Variants in KIRREL3 observed in about 807,000 individuals in gnomAD.
KIRREL3 encodes kin of IRRE-like protein 3.
KIRREL3 carries 36 observed loss-of-function variants against 89.7 expected under a neutral mutation model. That is an observed-to-expected ratio of 0.40 (90% CI 0.31 to 0.53). The LOEUF is 0.53. Among genes scored for constraint, KIRREL3 ranks in the 20% least tolerant of loss-of-function variants. The probability of loss-of-function intolerance (pLI) is 0.49; values close to 1 mark genes in which losing one functional copy is unlikely to be tolerated. For missense variants in KIRREL3, 864 were observed against 1,056.6 expected, an observed-to-expected ratio of 0.82 and a Z score of 2.53; for synonymous variants, 445 against 441.4, an observed-to-expected ratio of 1.01 and a Z score of -0.10.
At position 126,578,471 on chromosome 11, in the gene KIRREL3, A is replaced by G. The variant is rs1941373349; in HGVS notation, c.56-15559T>C. On this transcript the variant is annotated intron_variant, in intron 1 of 16. Coordinates refer to ENST00000525144, the MANE Select transcript of KIRREL3 (RefSeq NM_032531.4). This position sits in a 1 kb window ranked among gnomAD's most constrained non-coding sequence, Gnocchi z 4.9. Reference sequence around the variant, plus strand: ...GACTCCGTGCCTACCTGCTAATAAGAGCGGGAGTGTGGATTGTGCACATAG... The same window carrying G: ...GACTCCGTGCCTACCTGCTAATAAGGGCGGGAGTGTGGATTGTGCACATAG... Among the ~76,000 whole-genome samples, 1 of 152,168 alleles carries G rather than the reference A, an allele frequency of 6.6e-6. No individual in the cohort carries two copies. Among genetic ancestry groups the G allele is most frequent in the African/African-American group, 2.4e-5 (1 of 41,438 alleles).
At chr11:126,478,153 C>T (rs1410393544) in intron 4 of KIRREL3, among the ~76,000 whole-genome samples, 2 of 152,182 alleles carry the variant, frequency 1.3e-5, no homozygotes, top group Non-Finnish European at 2.9e-5. Flanking sequence ...CTTCCGGGGC[C>T]GGGCTTGCCC....
chr11:126,982,612 G>A (rs560688613), intron 1 of KIRREL3, among the ~76,000 whole-genome samples: 77 of 152,190 alleles, frequency 5.1e-4, no homozygotes, highest in African/African-American at 1.7e-3. Flanking sequence ...TTACTTCCAC[G>A]TACTGTTTCT....
Position 126,432,585 on chromosome 11 carries a change from C to T in KIRREL3, c.1589-1059G>A, listed in dbSNP as rs915459368. ...ACTGCTCCCACCCCTCCACTCACCCCACTCCCACCCCGTCCAGCTCCACCC... is the reference window on the plus strand; with the variant it reads ...ACTGCTCCCACCCCTCCACTCACCCTACTCCCACCCCGTCCAGCTCCACCC... On this transcript the variant is annotated intron_variant, in intron 13 of 16. Transcript: ENST00000525144. This position sits in a 1 kb window ranked among gnomAD's most constrained non-coding sequence, Gnocchi z 6.2. Among the ~76,000 whole-genome samples the T allele has an allele frequency of 1.3e-5, 2 of 152,080 alleles. No individual in the cohort carries two copies. Among genetic ancestry groups the T allele is most frequent in the African/African-American group, 4.8e-5 (2 of 41,406 alleles).
intron 1 of KIRREL3, among the ~76,000 whole-genome samples, chr11:126,911,587 G>A (rs1444055440): frequency 6.6e-6 from 1 of 152,168 alleles, no homozygotes; most frequent in African/African-American, 2.4e-5. Flanking sequence ...CTGACCTGTG[G>A]ACCACCCCTC....
At chr11:126,529,558 G>A (rs1223898847) in intron 2 of KIRREL3, among the ~76,000 whole-genome samples, 2 of 148,264 alleles carry the variant, frequency 1.3e-5, no homozygotes, top group East Asian at 4.0e-4. Context: ...AGCCAAGATC[G>A]CCCCACTGCA....
chr11:126,805,132 G>A lies in KIRREL3; in HGVS notation c.55+195323C>T, dbSNP rs1456427728. Among the ~76,000 whole-genome samples, 1 of 152,182 alleles carries A rather than the reference G, an allele frequency of 6.6e-6. No homozygotes were observed. The highest frequency in any genetic ancestry group is 1.5e-5 in the Non-Finnish European group (1 of 68,036). On this transcript the variant is annotated intron_variant, in intron 1 of 16. Transcript: ENST00000525144. The surrounding 1 kb of genome is among the most constrained non-coding windows in gnomAD (Gnocchi z 4.3). ...AACCTGCAATGAAGGAGTTATATGT[G>A]TGTGCATGTATGTATTCATACATTA...
chr11:126,643,965 G>C lies in KIRREL3; in HGVS notation c.56-81053C>G, dbSNP rs1431365321. Among the ~76,000 whole-genome samples, 1 of 152,202 alleles carries C rather than the reference G, an allele frequency of 6.6e-6. No homozygotes were observed. The highest frequency in any genetic ancestry group is 2.4e-5 in the African/African-American group (1 of 41,450). On this transcript the variant is annotated intron_variant, in intron 1 of 16. Transcript: ENST00000525144. The surrounding 1 kb of genome is among the most constrained non-coding windows in gnomAD (Gnocchi z 4.5). ...TTGCAGGAAGGTAAGCTATGTGCTAGATGGAGAGTTAGGGACCTTGTAGGA... is the reference window on the plus strand; with the variant it reads ...TTGCAGGAAGGTAAGCTATGTGCTACATGGAGAGTTAGGGACCTTGTAGGA...
intron 4 of KIRREL3, among the ~76,000 whole-genome samples, chr11:126,483,498 A>T (rs1011758048): frequency 1.3e-5 from 2 of 152,158 alleles, no homozygotes. Context: ...CTGCTGTTTG[A>T]TTCAGAACTG....
rs559555135 is a variant in KIRREL3 at position 126,856,895 on chromosome 11, T to C, written c.55+143560A>G. ...GGAGTGAGCCACTGCGCTGGGCCCATATTTTGTATTTTTATGAAATGGTGA... is the reference window on the plus strand; with the variant it reads ...GGAGTGAGCCACTGCGCTGGGCCCACATTTTGTATTTTTATGAAATGGTGA... On this transcript the variant is annotated intron_variant, in intron 1 of 16. Coordinates refer to ENST00000525144, the MANE Select transcript of KIRREL3 (RefSeq NM_032531.4). 5.9e-5 allele frequency among the ~76,000 whole-genome samples: 9 copies of C among 152,158 alleles called. No individual in the cohort carries two copies. The South Asian group carries it at 1.9e-3, about 32-fold the overall frequency.
intron 1 of KIRREL3, among the ~76,000 whole-genome samples, chr11:126,573,374 G>A (rs1279616197): frequency 6.6e-6 from 1 of 152,168 alleles, no homozygotes; most frequent in Non-Finnish European, 1.5e-5. Flanking sequence ...GGGCCACCTT[G>A]GGAGCTGAGG....
intron 1 of KIRREL3, among the ~76,000 whole-genome samples, chr11:126,952,202 A>C (rs1172823452): frequency 3.9e-5 from 6 of 152,186 alleles, no homozygotes; most frequent in Non-Finnish European, 5.9e-5. Context: ...CCTGGCCTAC[A>C]CAGTGAGACC....
At chr11:126,695,107 A>G (rs1354640193) in intron 1 of KIRREL3, among the ~76,000 whole-genome samples, 2 of 152,208 alleles carry the variant, frequency 1.3e-5, no homozygotes, top group African/African-American at 4.8e-5. Context: ...ACAGCGGCAG[A>G]GCAGGATAGC....
Position 126,431,605 on chromosome 11 carries a change from C to T in KIRREL3, c.1589-79G>A, listed in dbSNP as rs187901454. On this transcript the variant is annotated intron_variant, in intron 13 of 16. Transcript: ENST00000525144. The surrounding 1 kb of genome is among the most constrained non-coding windows in gnomAD (Gnocchi z 7.1). ...CCCCCATGATCTCACCCCGTTCCTG[C>T]GGGGGCAGCCCCTGCCACATGGGGC... 5.8e-5 allele frequency: 81 copies of T among 1,405,984 alleles called. No individual in the cohort carries two copies. The highest frequency in any genetic ancestry group is 4.2e-4 in the African/African-American group (30 of 71,154). 87.1% of individuals were successfully genotyped at this position (1,405,984 alleles called of 1,614,324 possible). A position where few individuals can be genotyped will look rare whatever the true frequency, so the allele number is the denominator to read the frequency against.
chr11:126,763,719 C>T lies in KIRREL3; in HGVS notation c.56-200807G>A, dbSNP rs1949733718. ...ACGCTTTTGAGCCTTTGTTTTCTCA[C>T]TTGTGAAATGGGGACAATAGAAACA... On this transcript the variant is annotated intron_variant, in intron 1 of 16. Coordinates refer to ENST00000525144, the MANE Select transcript of KIRREL3 (RefSeq NM_032531.4). This position sits in a 1 kb window ranked among gnomAD's most constrained non-coding sequence, Gnocchi z 4.7. Among the ~76,000 whole-genome samples, 1 of 152,186 alleles carries T rather than the reference C, an allele frequency of 6.6e-6. No homozygotes were observed. Among genetic ancestry groups the T allele is most frequent in the Non-Finnish European group, 1.5e-5 (1 of 68,048 alleles).
rs1402752386 is a variant in KIRREL3 at position 126,996,012 on chromosome 11, A to G, written c.55+4443T>C. 6.6e-6 allele frequency among the ~76,000 whole-genome samples: 1 copy of G among 152,136 alleles called. No homozygotes were observed. On this transcript the variant is annotated intron_variant, in intron 1 of 16. Transcript: ENST00000525144. This position sits in a 1 kb window ranked among gnomAD's most constrained non-coding sequence, Gnocchi z 4.7. ...ATGGTATCCTCTTAGAGCAATGTGAAGGCCTTGACCCCACCCCACTCGTCC... is the reference window on the plus strand; with the variant it reads ...ATGGTATCCTCTTAGAGCAATGTGAGGGCCTTGACCCCACCCCACTCGTCC...
intron 1 of KIRREL3, among the ~76,000 whole-genome samples, chr11:126,932,297 G>T (rs1314050748): frequency 1.3e-5 from 2 of 152,172 alleles, no homozygotes; most frequent in African/African-American, 2.4e-5. Context: ...CATTTTAAAA[G>T]TCTGCTTAGC....
intron 1 of KIRREL3, among the ~76,000 whole-genome samples, chr11:126,801,305 A>G (rs1951025471): frequency 6.6e-6 from 1 of 152,142 alleles, no homozygotes; most frequent in Non-Finnish European, 1.5e-5. Context: ...ATTTTTCATC[A>G]ATTCATTTAC....
rs1190385525 is a variant in KIRREL3 at position 126,750,440 on chromosome 11, T to C, written c.56-187528A>G. Among the ~76,000 whole-genome samples, 2 of 152,128 alleles carry C rather than the reference T, an allele frequency of 1.3e-5. No individual in the cohort carries two copies. Among genetic ancestry groups the C allele is most frequent in the African/African-American group, 4.8e-5 (2 of 41,410 alleles). On this transcript the variant is annotated intron_variant, in intron 1 of 16. Coordinates refer to ENST00000525144, the MANE Select transcript of KIRREL3 (RefSeq NM_032531.4). This position sits in a 1 kb window ranked among gnomAD's most constrained non-coding sequence, Gnocchi z 4.2. ...TAGCCAGAGAGGAACACTCTTACCC[T>C]CTTTAGAAACAGAAGGGACTGGAGA...
intron 1 of KIRREL3, among the ~76,000 whole-genome samples, chr11:126,720,692 G>A (rs1948135203): frequency 6.6e-6 from 1 of 152,240 alleles, no homozygotes; most frequent in African/African-American, 2.4e-5. Flanking sequence ...TGTTAGGGCT[G>A]CAGGCACAAG....
Sources: allele counts gnomAD v4.1 joint callset (sites outside exome capture counted in the v4.1 genomes callset), GRCh38; gene constraint gnomAD v4.1.1; non-coding constraint Gnocchi (gnomAD v3.1); transcripts MANE v1.5; gene names NCBI Gene and HGNC (gene_info 2026-07-23, HGNC 2026-07-21).